Variants in TPH2 observed in about 807,000 individuals in gnomAD.
The protein encoded by TPH2 is tryptophan 5-hydroxylase 2.
In TPH2, 27 loss-of-function variants were observed where a neutral mutation model predicts 59.1. That is an observed-to-expected ratio of 0.46 (90% CI 0.34 to 0.63). The LOEUF (loss-of-function observed/expected upper bound fraction) is 0.63, where lower values mean the gene tolerates loss of function less well. TPH2 is among the 30% of genes least tolerant of loss of function. The probability of loss-of-function intolerance (pLI) is 0.01; values close to 1 mark genes in which losing one functional copy is unlikely to be tolerated. For missense variants in TPH2, 523 were observed against 588.3 expected (o/e 0.89, Z 1.15); for synonymous variants, 220 against 210.5 (o/e 1.05, Z -0.39).
intron 8 of TPH2, among the ~76,000 whole-genome samples, chr12:72,015,319 T>G (rs1873213668): frequency 7.2e-6 from 1 of 138,886 alleles, no homozygotes; most frequent in African/African-American, 2.7e-5. Context: ...TTGGTTGTTT[T>G]TTTTTTTTTT....
intron 7 of TPH2, among the ~76,000 whole-genome samples, chr12:71,984,849 G>A (rs1044612959): frequency 1.3e-5 from 2 of 152,166 alleles, no homozygotes; most frequent in African/African-American, 4.8e-5. Context: ...TGGTAGCCAT[G>A]CTCTCCCTTA....
Position 71,972,537 on chromosome 12 carries a change from G to A in TPH2, c.627G>A (p.Arg209=). ...MGYKYGQPIP[R]VEYTEEETKT... is the part of the protein sequence containing the mutation. The stretch of plus-strand genomic sequence containing the variant: ...TGCCTAGTGGTCAGCCCATTCCCAG[G>A]GTGGAGTATACTGAAGAAGAAACTA... The change falls in exon 6 of 11, where the codon AGG becomes AGA. Residue 209 remains arginine (R), a synonymous_variant. Transcript: ENST00000333850. The A allele has an allele frequency of 1.2e-6, 2 of 1,614,074 alleles. No homozygotes were observed. Among genetic ancestry groups the A allele is most frequent in the African/African-American group, 2.7e-5 (2 of 75,008 alleles).
At chr12:71,964,559 T>C (rs1871763342) in intron 5 of TPH2, 3 of 981,354 alleles carry the variant, frequency 3.1e-6, no homozygotes, top group South Asian at 4.7e-5. Context: ...TGAATACTCA[T>C]TGAGTATTTG....
At chr12:71,959,798 T>TG (rs151161544) in intron 5 of TPH2, among the ~76,000 whole-genome samples, 1,937 of 151,380 alleles carry the variant, frequency 0.013, 55 homozygotes, top group African/African-American at 0.045. Context: ...AAAACTTAAT[T>TG]GGGGGGGGCG....
chr12:72,031,060 A>AAAAC, intron 9 of TPH2, among the ~76,000 whole-genome samples, 198 bp from the exon 10 acceptor site: 1 of 152,274 alleles, frequency 6.6e-6, no homozygotes, highest in Admixed American at 6.5e-5. Context: ...TTAAAAAAGC[A>AAAAC]AAACAAACAA....
rs886049820 is a variant in TPH2 at position 72,032,355 on chromosome 12, G to A, written c.*660G>A. ...AAGTATTTTGGAAGATAGTACTTCC[G>A]GAAAGGACATTAGGAAAGACTAAAC... On this transcript the variant is annotated 3_prime_UTR_variant, in exon 11 of 11. Transcript: ENST00000333850. The A allele has an allele frequency of 1.3e-5, 2 of 153,836 alleles. No individual in the cohort carries two copies. Among genetic ancestry groups the A allele is most frequent in the Admixed American group, 1.3e-4 (2 of 15,598 alleles). The allele number at this position is 153,836 out of a possible 1,614,324, so 9.5% of individuals were successfully genotyped here.
chr12:71,971,368 C>T (rs998251087), intron 5 of TPH2, among the ~76,000 whole-genome samples: 1 of 152,172 alleles, frequency 6.6e-6, no homozygotes, highest in African/African-American at 2.4e-5. Context: ...GAAGTGAGGG[C>T]GTGCTGCAGG....
chr12:71,982,588 G>T (rs1397756461), intron 7 of TPH2, among the ~76,000 whole-genome samples: 1 of 152,190 alleles, frequency 6.6e-6, no homozygotes, highest in Non-Finnish European at 1.5e-5. Context: ...TACTGGGAGG[G>T]CTGTTTCCTG....
intron 8 of TPH2, among the ~76,000 whole-genome samples, chr12:72,021,047 C>T (rs995026258): frequency 4.4e-5 from 5 of 114,056 alleles, no homozygotes; most frequent in African/African-American, 1.6e-4. Flanking sequence ...TGCCCCTTTT[C>T]AGGAGTGTTT....
At chr12:71,986,525 A>T (rs2046582) in intron 7 of TPH2, among the ~76,000 whole-genome samples, 128,871 of 152,190 alleles carry the variant, frequency 0.85, 54,653 homozygotes, top group East Asian at 0.94. Flanking sequence ...ATGTGCAGTT[A>T]GAAACCAAAA....
At chr12:71,947,144 G>A (rs1414508681) in intron 4 of TPH2, among the ~76,000 whole-genome samples, 1 of 152,182 alleles carries the variant, frequency 6.6e-6, no homozygotes, top group Non-Finnish European at 1.5e-5. Context: ...GAGATCTAAA[G>A]TTTGAGAACT....
At chr12:72,023,087 AC>A (rs1036666000) in intron 9 of TPH2, among the ~76,000 whole-genome samples, 22 of 152,082 alleles carry the variant, frequency 1.4e-4, no homozygotes, top group African/African-American at 5.1e-4. Context: ...TAAAATGGTC[AC>A]TTTTTTTTTC....
chr12:71,984,553 T>G (rs1225216403), intron 7 of TPH2, among the ~76,000 whole-genome samples: 3 of 152,156 alleles, frequency 2.0e-5, no homozygotes, highest in Non-Finnish European at 4.4e-5. Context: ...CTCAGCATGG[T>G]CTTCCTGCAG....
intron 8 of TPH2, among the ~76,000 whole-genome samples, chr12:72,014,060 G>A (rs1434853839): frequency 2.0e-5 from 3 of 152,124 alleles, no homozygotes; most frequent in Admixed American, 6.6e-5. Flanking sequence ...AAGGCATTTG[G>A]ACCAGTGGTA....
chr12:71,961,653 A>T (rs1428442148), intron 5 of TPH2: 1 of 1,352,078 alleles, frequency 7.4e-7, no homozygotes, highest in East Asian at 4.5e-5. Flanking sequence ...GAGCGTGCAC[A>T]TATTGATGGA....
intron 8 of TPH2, among the ~76,000 whole-genome samples, chr12:72,018,678 G>T (rs1413450660): frequency 6.6e-6 from 1 of 152,140 alleles, no homozygotes; most frequent in East Asian, 1.9e-4. Flanking sequence ...CAATGTTAAG[G>T]CTCCAAGGAT....
chr12:71,949,654 T>C lies in TPH2; in HGVS notation c.607T>C (p.Tyr203His), dbSNP rs893262803. 2 of 1,611,140 alleles carry C rather than the reference T, an allele frequency of 1.2e-6. No homozygotes were observed. The highest frequency in any genetic ancestry group is 2.7e-5 in the African/African-American group (2 of 74,854). The change falls in exon 5 of 11, where the codon TAT becomes CAT. Residue 203 changes from tyrosine to histidine, a missense_variant and splice_region_variant. By Grantham distance (83) the Tyr-to-His change is moderately conservative. Transcript: ENST00000333850. ...TGTGGATGTGGCCATGGGTTATAAA[T>C]AGTAAGTACCTGTATAACTCTTTCT... is the stretch of plus-strand genomic sequence containing the variant. ...YFVDVAMGYK[Y>H]GQPIPRVEYT...
rs1029001994 is a variant in TPH2 at position 71,946,872 on chromosome 12, A to G, written c.540+2186A>G. Among the ~76,000 whole-genome samples the G allele has an allele frequency of 1.1e-4, 16 of 152,280 alleles. No homozygotes were observed. The South Asian group carries it at 2.9e-3, about 28-fold the overall frequency. ...TAATCACCTTCGAGATCATTTTTAAATGCAGATAATGAGTCTGTAGGGCCT... is the reference window on the plus strand; with the variant it reads ...TAATCACCTTCGAGATCATTTTTAAGTGCAGATAATGAGTCTGTAGGGCCT... On this transcript the variant is annotated intron_variant, in intron 4 of 10. Coordinates refer to ENST00000333850, the MANE Select transcript of TPH2 (RefSeq NM_173353.4).
At chr12:71,969,785 A>G (rs1465950165) in intron 5 of TPH2, among the ~76,000 whole-genome samples, 1 of 152,174 alleles carries the variant, frequency 6.6e-6, no homozygotes, top group Non-Finnish European at 1.5e-5. Context: ...GTGTATACTA[A>G]TCCATTAAGA....
Sources: gnomAD v4.1 joint callset for allele counts (sites outside exome capture counted in the v4.1 genomes callset) on GRCh38, gnomAD v4.1.1 for gene constraint, MANE v1.5 for transcripts, NCBI Gene and HGNC (gene_info 2026-07-23, HGNC 2026-07-21) for gene names.